TADA2A: variants seen among roughly 807,000 people sequenced by gnomAD.
The protein encoded by TADA2A is transcriptional adapter 2-alpha.
In TADA2A, 38 loss-of-function variants were observed where a neutral mutation model predicts 67.4. That is an observed-to-expected ratio of 0.56 (90% CI 0.44 to 0.74). The LOEUF (loss-of-function observed/expected upper bound fraction) is 0.74, where lower values mean the gene tolerates loss of function less well. Among genes scored for constraint, TADA2A ranks in the 30% least tolerant of loss-of-function variants. The pLI, the probability that TADA2A is intolerant of heterozygous loss-of-function variation, is 0.00. For synonymous variants in TADA2A, 192 were observed against 181.6 expected (o/e 1.06, Z -0.46); for missense variants, 454 against 547.0 (o/e 0.83, Z 1.70).
At chr17:37,444,259 C>CAAAAAAA (rs5820215) in intron 7 of TADA2A, among the ~76,000 whole-genome samples, 1 of 132,082 alleles carries the variant, frequency 7.6e-6, no homozygotes, top group Non-Finnish European at 1.6e-5. Flanking sequence ...ACCCTGTTTC[C>CAAAAAAA]AAAAAAAAAA....
At chr17:37,476,696 T>TG (rs2053898877) in intron 15 of TADA2A, 101 bp from the exon 16 acceptor site, 7 of 1,194,466 alleles carry the variant, frequency 5.9e-6, no homozygotes, top group Non-Finnish European at 8.3e-6. Flanking sequence ...TATAAATAGT[T>TG]GGAGGTTGAT....
In TADA2A at chr17:37,473,221, C is replaced by CTGA. The variant is rs10689428; in HGVS notation, c.1073-1334_1073-1333insGAT. 7.1e-3 allele frequency among the ~76,000 whole-genome samples: 1,042 copies of CTGA among 146,656 alleles called. 8 individuals carry two copies. The highest frequency in any genetic ancestry group is 0.025 in the African/African-American group (984 of 39,812). ...CTCCTGGGCTCAAGTGATCCTCCTG[C>CTGA]TTCAGCCTCCCAAAGTGCTCAGATT... On this transcript the variant is annotated intron_variant, in intron 14 of 15. Transcript: ENST00000615182.
intron 2 of TADA2A, among the ~76,000 whole-genome samples, chr17:37,417,076 G>A (rs1028218735): frequency 6.6e-6 from 1 of 151,846 alleles, no homozygotes; most frequent in African/African-American, 2.4e-5. Flanking sequence ...CTGAGGAACA[G>A]ATGTGAAATG....
chr17:37,411,933 G>A (rs2051886869), intron 2 of TADA2A, among the ~76,000 whole-genome samples: 1 of 151,712 alleles, frequency 6.6e-6, no homozygotes, highest in African/African-American at 2.4e-5. Flanking sequence ...TGAAGCAGCC[G>A]GGCGTGGTGG....
chr17:37,444,505 T>C (rs1218514423), intron 7 of TADA2A, among the ~76,000 whole-genome samples, 191 bp from the exon 8 acceptor site: 2 of 152,188 alleles, frequency 1.3e-5, no homozygotes, highest in East Asian at 3.8e-4. Context: ...CACTACTGCT[T>C]GTAAGCCTCT....
At chr17:37,465,314 C>T in intron 10 of TADA2A, 117 bp from the exon 11 acceptor site, 2 of 718,344 alleles carry the variant, frequency 2.8e-6, no homozygotes, top group Non-Finnish European at 2.3e-6. Flanking sequence ...ATAAGTTAGT[C>T]ATATGAGGTT....
At chr17:37,409,091 A>G (rs2051773202) in intron 1 of TADA2A, among the ~76,000 whole-genome samples, 1 of 151,974 alleles carries the variant, frequency 6.6e-6, no homozygotes, top group African/African-American at 2.4e-5. Context: ...TCACTTATTT[A>G]TTATTTATTT....
chr17:37,445,686 C>G (rs1279975511), intron 8 of TADA2A, among the ~76,000 whole-genome samples: 1 of 151,554 alleles, frequency 6.6e-6, no homozygotes, highest in African/African-American at 2.4e-5. Flanking sequence ...CTTTGAGTCC[C>G]TTTTTTCCTT....
chr17:37,441,402 T>C (rs2052912923), intron 6 of TADA2A, among the ~76,000 whole-genome samples: 1 of 152,224 alleles, frequency 6.6e-6, no homozygotes, highest in Admixed American at 6.5e-5. Context: ...ATTGCCTTGG[T>C]GTCAAGCCCA....
In TADA2A at chr17:37,424,778, A is replaced by G. The variant is rs547050324; in HGVS notation, c.132+1163A>G. ...TCCACGTTGGTCAGGCTGGTCTTGAACTCCAGACCTCAGGTGATCTGCCTG... is the reference window on the plus strand; with the variant it reads ...TCCACGTTGGTCAGGCTGGTCTTGAGCTCCAGACCTCAGGTGATCTGCCTG... On this transcript the variant is annotated intron_variant, in intron 3 of 15. Transcript: ENST00000615182. Among the ~76,000 whole-genome samples, 30 of 151,594 alleles carry G rather than the reference A, an allele frequency of 2.0e-4. No individual in the cohort carries two copies. In the South Asian group the frequency reaches 6.3e-3, roughly 32 times the overall value.
chr17:37,472,400 CT>C (rs1258463109), intron 14 of TADA2A, among the ~76,000 whole-genome samples: 1 of 151,724 alleles, frequency 6.6e-6, no homozygotes, highest in Non-Finnish European at 1.5e-5. Flanking sequence ...CCATTTATTC[CT>C]TTATTTCAAG....
At chr17:37,470,128 T>TA (rs1435895082) in intron 12 of TADA2A, among the ~76,000 whole-genome samples, 1 of 152,234 alleles carries the variant, frequency 6.6e-6, no homozygotes, top group Non-Finnish European at 1.5e-5. Context: ...GAGCAATTCT[T>TA]ACTTTCTTTG....
rs537620202 is a variant in TADA2A, at chr17:37,450,531, A to G, written c.604+5763A>G. 7.9e-5 allele frequency: 12 copies of G among 152,358 alleles called. No individual in the cohort carries two copies. The East Asian group carries it at 2.3e-3, about 29-fold the overall frequency. 9.4% of individuals were successfully genotyped at this position (152,358 alleles called of 1,614,324 possible). On this transcript the variant is annotated intron_variant, in intron 8 of 15. Coordinates refer to ENST00000615182, the MANE Select transcript of TADA2A (RefSeq NM_001166105.3). Reference sequence around the variant, plus strand: ...CCTCTGACTTCTGCCCACTTCTTGAAATATTTTAAGGCTAGCCGTTTGGAA... The same window carrying G: ...CCTCTGACTTCTGCCCACTTCTTGAGATATTTTAAGGCTAGCCGTTTGGAA...
chr17:37,412,155 G>A (rs141180527), intron 2 of TADA2A, among the ~76,000 whole-genome samples: 2,677 of 150,934 alleles, frequency 0.018, 76 homozygotes, highest in African/African-American at 0.062. Flanking sequence ...AGCTTGCAGT[G>A]AGCTGAGATT....
At chr17:37,458,423 T>C in intron 8 of TADA2A, 101 bp from the exon 9 acceptor site, 1 of 775,988 alleles carries the variant, frequency 1.3e-6, no homozygotes, top group East Asian at 4.3e-5. Context: ...CAATATGAGG[T>C]TCAAAGTTTG....
chr17:37,432,469 A>C (rs2052598894), intron 4 of TADA2A, among the ~76,000 whole-genome samples: 1 of 151,924 alleles, frequency 6.6e-6, no homozygotes, highest in Non-Finnish European at 1.5e-5. Context: ...GCCTGGACTC[A>C]CTCAGCATGC....
chr17:37,433,100 A>AT (rs1309716515), intron 4 of TADA2A, among the ~76,000 whole-genome samples: 1 of 151,124 alleles, frequency 6.6e-6, no homozygotes, highest in African/African-American at 2.4e-5. Flanking sequence ...TAGAATAATT[A>AT]TTTTTTAAAT....
chr17:37,416,669 A>T (rs1338074786), intron 2 of TADA2A, among the ~76,000 whole-genome samples: 1 of 152,020 alleles, frequency 6.6e-6, no homozygotes, highest in Non-Finnish European at 1.5e-5. Flanking sequence ...GATTGAGACC[A>T]TCATGGCCAA....
At position 37,421,920 on chromosome 17, in the gene TADA2A, C is replaced by T. The variant is rs533526545; in HGVS notation, c.26-1589C>T. Among the ~76,000 whole-genome samples, 3 of 145,718 alleles carry T rather than the reference C, an allele frequency of 2.1e-5. No individual in the cohort carries two copies. The South Asian group carries it at 6.7e-4, about 33-fold the overall frequency. ...TGGAGACGGAGTCTCTCTCTGTTGC[C>T]CAGACTGGAGTGCAGTGGCGTGATC... On this transcript the variant is annotated intron_variant, in intron 2 of 15. Coordinates refer to ENST00000615182, the MANE Select transcript of TADA2A (RefSeq NM_001166105.3).
Sources: gnomAD v4.1 joint callset for allele counts (sites outside exome capture counted in the v4.1 genomes callset) on GRCh38, gnomAD v4.1.1 for gene constraint, MANE v1.5 for transcripts, NCBI Gene and HGNC (gene_info 2026-07-23, HGNC 2026-07-21) for gene names.